Variants in RBFOX1 observed in about 807,000 individuals in gnomAD.
RBFOX1 encodes the protein RNA binding protein fox-1 homolog 1.
RBFOX1 carries 8 observed loss-of-function variants against 57.7 expected under a neutral mutation model. That is an observed-to-expected ratio of 0.14 (90% CI 0.08 to 0.25). The LOEUF is 0.25. Ranked by LOEUF, RBFOX1 falls within the 10% of genes least tolerant of loss-of-function variation. RBFOX1 has a pLI of 1.00. For missense variants in RBFOX1, 611 were observed against 548.5 expected, an observed-to-expected ratio of 1.11 and a Z score of -1.14; for synonymous variants, 326 against 222.4, an observed-to-expected ratio of 1.47 and a Z score of -4.15.
At chr16:7,287,914 C>G (rs898148634) in intron 4 of RBFOX1, among the ~76,000 whole-genome samples, 1 of 152,100 alleles carries the variant, frequency 6.6e-6, no homozygotes, top group African/African-American at 2.4e-5. Flanking sequence ...GGTGTATTTT[C>G]AAAATACACA....
chr16:6,588,368 C>T (rs2097660749), intron 2 of RBFOX1, among the ~76,000 whole-genome samples: 1 of 150,578 alleles, frequency 6.6e-6, no homozygotes, highest in African/African-American at 2.4e-5. Context: ...GAAGAGTACT[C>T]TCGGCTGGGT....
chr16:6,593,375 G>GA (rs2097741414), intron 2 of RBFOX1, among the ~76,000 whole-genome samples: 1 of 152,140 alleles, frequency 6.6e-6, no homozygotes, highest in Non-Finnish European at 1.5e-5. Context: ...GAATCACAGA[G>GA]AAAAAATAAT....
intron 1 of RBFOX1, among the ~76,000 whole-genome samples, chr16:6,091,291 C>G (rs1287541424): frequency 1.3e-5 from 2 of 152,120 alleles, no homozygotes; most frequent in East Asian, 1.9e-4. Context: ...CTCCTTTCTC[C>G]TGGTCCATGA....
rs544744780 is a variant in RBFOX1, at chr16:7,419,886, C to G, written c.28-98261C>G. Among the ~76,000 whole-genome samples, 5 of 150,664 alleles carry G rather than the reference C, an allele frequency of 3.3e-5. No homozygotes were observed. In the South Asian group the frequency reaches 1.0e-3, roughly 32 times the overall value. The stretch of plus-strand genomic sequence containing the variant: ...AATTATACCACTGTATTTTAGCAAC[C>G]TGCATTGACCTAAAAGGATCTGTTT... On this transcript the variant is annotated intron_variant, in intron 4 of 15. Transcript: ENST00000550418.
At chr16:6,116,346 AC>A (rs2096495694) in intron 1 of RBFOX1, among the ~76,000 whole-genome samples, 1 of 152,176 alleles carries the variant, frequency 6.6e-6, no homozygotes, top group Non-Finnish European at 1.5e-5. Context: ...GCAGCAAACC[AC>A]CATGGCATGT....
At chr16:7,171,555 G>T (rs2060467092) in intron 4 of RBFOX1, among the ~76,000 whole-genome samples, 1 of 152,166 alleles carries the variant, frequency 6.6e-6, no homozygotes, top group Admixed American at 6.5e-5. Context: ...GTGGCCAAGA[G>T]GCCGCCTCAG....
chr16:5,690,346 G>A (rs927321393), intron 3 of RBFOX1, among the ~76,000 whole-genome samples: 10 of 152,158 alleles, frequency 6.6e-5, no homozygotes, highest in Admixed American at 5.2e-4. Context: ...ACTCCCAAAA[G>A]CCAGTGATGA....
chr16:6,672,138 G>A (rs2098769366), intron 3 of RBFOX1, among the ~76,000 whole-genome samples: 1 of 152,102 alleles, frequency 6.6e-6, no homozygotes, highest in South Asian at 2.1e-4. Context: ...GGAGGCTAAG[G>A]TAACATTAGC....
intron 4 of RBFOX1, among the ~76,000 whole-genome samples, chr16:7,176,600 C>G (rs1205916799): frequency 6.6e-6 from 1 of 152,108 alleles, no homozygotes; most frequent in Admixed American, 6.6e-5. Flanking sequence ...TACAACGACA[C>G]AGATGATTAG....
intron 4 of RBFOX1, among the ~76,000 whole-genome samples, chr16:5,973,377 C>G (rs937709084): frequency 6.6e-6 from 1 of 152,186 alleles, no homozygotes; most frequent in African/African-American, 2.4e-5. Context: ...ATTTTTCTGA[C>G]ATTGTTTCCT....
intron 4 of RBFOX1, among the ~76,000 whole-genome samples, chr16:7,310,919 C>A (rs1050593806): frequency 6.6e-6 from 1 of 152,184 alleles, no homozygotes; most frequent in East Asian, 1.9e-4. Flanking sequence ...TCTTTGCCAT[C>A]TTGTGAACCA....
At chr16:7,224,548 G>C (rs899579076) in intron 4 of RBFOX1, among the ~76,000 whole-genome samples, 8 of 152,306 alleles carry the variant, frequency 5.3e-5, no homozygotes, top group African/African-American at 1.9e-4. Flanking sequence ...TAAAATCAGA[G>C]GGAGGTTTGA....
At chr16:6,861,252 C>G (rs1183479984) in intron 3 of RBFOX1, among the ~76,000 whole-genome samples, 1 of 152,068 alleles carries the variant, frequency 6.6e-6, no homozygotes. Context: ...TTTTGAGCAC[C>G]ACACTCTAAC....
intron 2 of RBFOX1, among the ~76,000 whole-genome samples, chr16:6,412,446 C>G (rs2093489493): frequency 6.6e-6 from 1 of 152,164 alleles, no homozygotes; most frequent in Non-Finnish European, 1.5e-5. Flanking sequence ...TCAATTCACA[C>G]TATTCATGGA....
chr16:5,915,220 C>T (rs896256617), intron 4 of RBFOX1, among the ~76,000 whole-genome samples: 1 of 152,168 alleles, frequency 6.6e-6, no homozygotes, highest in African/African-American at 2.4e-5. Context: ...GTGAACAGAT[C>T]CTAAGAGGTC....
At chr16:6,782,784 A>T (rs1213763709) in intron 3 of RBFOX1, among the ~76,000 whole-genome samples, 1 of 152,018 alleles carries the variant, frequency 6.6e-6, no homozygotes. Flanking sequence ...GTCTTTGTTA[A>T]TTTTCTTTCT....
chr16:6,120,893 G>A (rs1413685312), intron 1 of RBFOX1, among the ~76,000 whole-genome samples: 1 of 152,194 alleles, frequency 6.6e-6, no homozygotes, highest in Non-Finnish European at 1.5e-5. Context: ...TATGGTGGGG[G>A]CTGGTGAAGA....
At chr16:7,351,498 A>T (rs548156543) in intron 4 of RBFOX1, among the ~76,000 whole-genome samples, 2 of 152,366 alleles carry the variant, frequency 1.3e-5, no homozygotes, top group South Asian at 4.1e-4. Flanking sequence ...ACCATAATGT[A>T]TATATAAACT....
intron 3 of RBFOX1, among the ~76,000 whole-genome samples, chr16:6,907,822 C>T (rs2070450577): frequency 6.7e-6 from 1 of 149,634 alleles, no homozygotes; most frequent in African/African-American, 2.4e-5. Context: ...GAACCACCCG[C>T]CTCGGCCTCC....
Sources: allele counts gnomAD v4.1 joint callset (sites outside exome capture counted in the v4.1 genomes callset), GRCh38; gene constraint gnomAD v4.1.1; transcripts MANE v1.5; gene names NCBI Gene and HGNC (gene_info 2026-07-23, HGNC 2026-07-21).